UGGT2: variants seen among roughly 807,000 people sequenced by gnomAD.
UGGT2 encodes the protein UDP-glucose:glycoprotein glucosyltransferase 2.
A neutral mutation model predicts 192.1 loss-of-function variants in UGGT2; 180 were observed. The ratio of observed to expected loss-of-function variants is 0.94; its 90% CI spans 0.83 to 1.06. UGGT2 has a LOEUF of 1.06. Ranked by LOEUF, UGGT2 falls within the 50% of genes least tolerant of loss-of-function variation. UGGT2 has a pLI of 0.00. For missense variants in UGGT2, 1,849 were observed against 1,795.7 expected (o/e 1.03, Z -0.54); for synonymous variants, 580 against 591.0 (o/e 0.98, Z 0.27).
intron 36 of UGGT2, among the ~76,000 whole-genome samples, chr13:95,843,593 T>C (rs1225542978): frequency 2.0e-5 from 3 of 152,206 alleles, no homozygotes; most frequent in Admixed American, 6.5e-5. Context: ...TCTAAACATT[T>C]TATATTGTAC....
At chr13:95,847,931 G>GC (rs1451707518) in intron 36 of UGGT2, among the ~76,000 whole-genome samples, 2 of 152,166 alleles carry the variant, frequency 1.3e-5, no homozygotes, top group African/African-American at 4.8e-5. Flanking sequence ...AGCAATGAAC[G>GC]CAAGTTCCTC....
At chr13:95,922,439 T>C (rs1001082738) in intron 20 of UGGT2, among the ~76,000 whole-genome samples, 3 of 135,874 alleles carry the variant, frequency 2.2e-5, no homozygotes, top group Admixed American at 1.5e-4. Flanking sequence ...AATCTCCACA[T>C]GTACCCCTGG....
At position 95,903,041 on chromosome 13, in the gene UGGT2, C is replaced by T. The variant is rs201544336; in HGVS notation, c.2315G>A (p.Arg772Gln). Residue 772 changes from arginine to glutamine, a missense_variant, in exon 21 of 39, where the codon CGG becomes CAG. Arg to Gln is a conservative substitution (Grantham distance 43, BLOSUM62 1). Coordinates refer to ENST00000376747, the MANE Select transcript of UGGT2 (RefSeq NM_020121.4). ...TGTAGGATTATAAATAATCCCCAAC[C>T]GACTATGAACACTTGTTTTCTGCAA... ...LKHMKTSVHS[R>Q]LGIIYNPTSK... 5.8e-5 allele frequency: 93 copies of T among 1,610,956 alleles called. No individual in the cohort carries two copies. The highest frequency in any genetic ancestry group is 7.0e-5 in the Non-Finnish European group (82 of 1,179,178).
At chr13:95,831,552 T>C (rs995155390) in intron 38 of UGGT2, among the ~76,000 whole-genome samples, 1 of 152,166 alleles carries the variant, frequency 6.6e-6, no homozygotes, top group Non-Finnish European at 1.5e-5. Flanking sequence ...TATTTCATTG[T>C]TAAAAATAAT....
chr13:95,875,308 T>C (rs994887566), intron 29 of UGGT2, among the ~76,000 whole-genome samples: 2 of 152,210 alleles, frequency 1.3e-5, no homozygotes, highest in African/African-American at 4.8e-5. Context: ...TGAGTTCTGA[T>C]AGTCTTTATA....
chr13:95,925,616 T>C (rs542170727), intron 20 of UGGT2, 64 bp downstream of exon 20: 1 of 1,098,890 alleles, frequency 9.1e-7, no homozygotes, highest in African/African-American at 1.6e-5. Flanking sequence ...ATGTATGTTC[T>C]TCATATTGCT....
At chr13:96,052,187 G>A (rs1238418891) in intron 1 of UGGT2, among the ~76,000 whole-genome samples, 2 of 152,206 alleles carry the variant, frequency 1.3e-5, no homozygotes, top group Non-Finnish European at 2.9e-5. Flanking sequence ...TGAGATTAGA[G>A]ACTATTATTC....
Position 95,905,324 on chromosome 13 carries a change from G to T in UGGT2, c.2296-2264C>A, listed in dbSNP as rs998484550. On this transcript the variant is annotated intron_variant, in intron 20 of 38. Transcript: ENST00000376747. Reference sequence around the variant, plus strand: ...AATTAGATCCCATTTGTCAATTTTGGCTTTTGTTGCCATTGCTTTTGGTGT... The same window carrying T: ...AATTAGATCCCATTTGTCAATTTTGTCTTTTGTTGCCATTGCTTTTGGTGT... Among the ~76,000 whole-genome samples the T allele has an allele frequency of 1.5e-4, 22 of 145,594 alleles. No individual in the cohort carries two copies. In the East Asian group the frequency reaches 4.2e-3, roughly 28 times the overall value.
At chr13:95,867,190 CT>C (rs1365580148) in intron 30 of UGGT2, 148 bp downstream of exon 30, 7 of 697,944 alleles carry the variant, frequency 1.0e-5, no homozygotes, top group Non-Finnish European at 1.6e-5. Context: ...ACTTAATCCT[CT>C]TCTTTTTTTA....
At chr13:95,982,377 C>G (rs2051154292) in intron 10 of UGGT2, among the ~76,000 whole-genome samples, 1 of 152,330 alleles carries the variant, frequency 6.6e-6, no homozygotes, top group South Asian at 2.1e-4. Flanking sequence ...TGGGACCAGG[C>G]ATGTTCAAAA....
chr13:95,944,348 G>A (rs1350990187), intron 15 of UGGT2, among the ~76,000 whole-genome samples: 5 of 151,966 alleles, frequency 3.3e-5, no homozygotes, highest in African/African-American at 9.6e-5. Context: ...TGAATATTTG[G>A]TAGAATTTGC....
At position 95,957,479 on chromosome 13, in the gene UGGT2, T is replaced by C. The variant is rs1317148852; in HGVS notation, c.1336-8025A>G. 2.0e-5 allele frequency among the ~76,000 whole-genome samples: 3 copies of C among 152,180 alleles called. No individual in the cohort carries two copies. In the East Asian group the frequency reaches 5.8e-4, roughly 29 times the overall value. On this transcript the variant is annotated intron_variant, in intron 12 of 38. Coordinates refer to ENST00000376747, the MANE Select transcript of UGGT2 (RefSeq NM_020121.4). ...AAATTAGCAGTCTTATCAGTGCTTA[T>C]GAAGAGATAGTCTGCTGAAAGCAGC...
chr13:95,883,703 T>G (rs2047559218), intron 27 of UGGT2, among the ~76,000 whole-genome samples: 2 of 152,148 alleles, frequency 1.3e-5, no homozygotes, highest in Non-Finnish European at 2.9e-5. Context: ...CATGCGAAAC[T>G]GTGAGTTAAT....
chr13:95,999,831 TA>T (rs2051742292), intron 5 of UGGT2, among the ~76,000 whole-genome samples: 1 of 152,212 alleles, frequency 6.6e-6, no homozygotes, highest in East Asian at 1.9e-4. Context: ...TCTCAATGAT[TA>T]AAATATACCA....
At chr13:95,937,912 C>T (rs2049520303) in intron 16 of UGGT2, among the ~76,000 whole-genome samples, 1 of 152,148 alleles carries the variant, frequency 6.6e-6, no homozygotes, top group Non-Finnish European at 1.5e-5. Context: ...TAAATTTTAG[C>T]TCCCACATTT....
chr13:95,831,058 C>T (rs1391984336), intron 38 of UGGT2, among the ~76,000 whole-genome samples: 1 of 150,748 alleles, frequency 6.6e-6, no homozygotes, highest in Non-Finnish European at 1.5e-5. Flanking sequence ...TGTCCTCACT[C>T]ATAGGTGGGA....
chr13:96,039,635 T>C (rs899617636), intron 1 of UGGT2, among the ~76,000 whole-genome samples: 10 of 152,226 alleles, frequency 6.6e-5, no homozygotes, highest in Non-Finnish European at 1.3e-4. Context: ...TTTCCTTACC[T>C]GTTCCTTTTT....
intron 6 of UGGT2, among the ~76,000 whole-genome samples, chr13:95,997,953 A>G (rs1429123592): frequency 6.6e-6 from 1 of 152,224 alleles, no homozygotes; most frequent in Non-Finnish European, 1.5e-5. Context: ...GGGAGCCACT[A>G]AAGGATTTAA....
intron 38 of UGGT2, among the ~76,000 whole-genome samples, chr13:95,806,538 T>C (rs967874836): frequency 1.3e-5 from 2 of 152,186 alleles, no homozygotes; most frequent in African/African-American, 4.8e-5. Flanking sequence ...ATGACACTTT[T>C]TGCAGAAACA....
Sources: gnomAD v4.1 joint callset for allele counts (sites outside exome capture counted in the v4.1 genomes callset) on GRCh38, gnomAD v4.1.1 for gene constraint, MANE v1.5 for transcripts, NCBI Gene and HGNC (gene_info 2026-07-23, HGNC 2026-07-21) for gene names.